THSD7B: variants seen among roughly 807,000 people sequenced by gnomAD.
The protein encoded by THSD7B is thrombospondin type-1 domain-containing protein 7B.
In THSD7B, 138 loss-of-function variants were observed where a neutral mutation model predicts 213.6. That is an observed-to-expected ratio of 0.65 (90% confidence interval 0.56 to 0.74). THSD7B has a LOEUF of 0.74. THSD7B is among the 30% of genes least tolerant of loss of function. The probability of loss-of-function intolerance (pLI) is 0.00; values close to 1 mark genes in which losing one functional copy is unlikely to be tolerated. For synonymous variants in THSD7B, 742 were observed against 687.0 expected (o/e 1.08, Z -1.25); for missense variants, 1,931 against 1,991.5 (o/e 0.97, Z 0.58).
At chr2:137,105,569 G>A (rs1688231323) in intron 4 of THSD7B, among the ~76,000 whole-genome samples, 1 of 152,294 alleles carries the variant, frequency 6.6e-6, no homozygotes, top group South Asian at 2.1e-4. Context: ...AATCAGGCAA[G>A]AGAAAGGAAT....
intron 1 of THSD7B, among the ~76,000 whole-genome samples, chr2:136,864,904 G>A (rs1167242176): frequency 2.6e-5 from 4 of 152,216 alleles, no homozygotes; most frequent in African/African-American, 9.6e-5. Flanking sequence ...ACTCCATGGA[G>A]AAGACATGAC....
intron 17 of THSD7B, among the ~76,000 whole-genome samples, chr2:137,600,846 G>A (rs1682063460): frequency 6.6e-6 from 1 of 152,196 alleles, no homozygotes. Context: ...ATAGCTCTAT[G>A]CATGTTATTG....
intron 1 of THSD7B, among the ~76,000 whole-genome samples, chr2:136,819,726 T>C (rs1682539834): frequency 6.6e-6 from 1 of 152,106 alleles, no homozygotes; most frequent in Non-Finnish European, 1.5e-5. Flanking sequence ...AGCTCTGCTA[T>C]TGATGTCAAA....
intron 3 of THSD7B, among the ~76,000 whole-genome samples, chr2:137,082,517 A>G (rs1449562253): frequency 6.6e-6 from 1 of 152,142 alleles, no homozygotes. Flanking sequence ...ATCTATAACA[A>G]CAAGAGCTCT....
chr2:137,461,736 C>T (rs951676696), intron 15 of THSD7B, among the ~76,000 whole-genome samples: 18 of 152,146 alleles, frequency 1.2e-4, no homozygotes, highest in Middle Eastern at 3.4e-3. Flanking sequence ...CGTTTTATGA[C>T]CCCTCCCCAA....
intron 15 of THSD7B, among the ~76,000 whole-genome samples, chr2:137,558,895 T>A (rs186053818): frequency 0.019 from 2,836 of 152,176 alleles, 87 homozygotes; most frequent in African/African-American, 0.065. Flanking sequence ...TGTGCAAAAA[T>A]CACAAGCATT....
At chr2:137,425,203 A>C (rs905063463) in intron 14 of THSD7B, among the ~76,000 whole-genome samples, 8 of 151,796 alleles carry the variant, frequency 5.3e-5, no homozygotes, top group African/African-American at 1.4e-4. Flanking sequence ...TCTAGAGATG[A>C]TTTATTTATT....
chr2:137,303,267 C>T (rs1683649223), intron 12 of THSD7B, among the ~76,000 whole-genome samples: 1 of 152,174 alleles, frequency 6.6e-6, no homozygotes, highest in Non-Finnish European at 1.5e-5. Context: ...AGCCATATTC[C>T]TGCTTCAGCC....
At chr2:137,590,828 A>T (rs1394612810) in intron 17 of THSD7B, among the ~76,000 whole-genome samples, 1 of 104,572 alleles carries the variant, frequency 9.6e-6, no homozygotes, top group East Asian at 2.9e-4. Flanking sequence ...AAGGAGGTAC[A>T]TAATACCTGA....
intron 20 of THSD7B, among the ~76,000 whole-genome samples, chr2:137,621,518 C>T (rs1682520240): frequency 6.6e-6 from 1 of 152,130 alleles, no homozygotes; most frequent in Non-Finnish European, 1.5e-5. Flanking sequence ...AATTGATACT[C>T]AGTAGTGAGG....
intron 1 of THSD7B, among the ~76,000 whole-genome samples, chr2:136,782,032 AAGAT>A (rs896003682): frequency 6.6e-6 from 1 of 152,204 alleles, no homozygotes; most frequent in Admixed American, 6.5e-5. Context: ...CGTAAAATAA[AAGAT>A]AGGAAGCTAA....
At position 137,340,983 on chromosome 2, in the gene THSD7B, T is replaced by G. The variant is rs996029369; in HGVS notation, c.2501-64630T>G. ...GATCATACTCTAATTCTCTTTTTGT[T>G]TTTTTTTTTTTTTTTTTGAGGAACC... is the stretch of plus-strand genomic sequence containing the variant. On this transcript the variant is annotated intron_variant, in intron 12 of 27. Coordinates refer to ENST00000409968, the MANE Select transcript of THSD7B (RefSeq NM_001316349.2). Among the ~76,000 whole-genome samples the G allele has an allele frequency of 7.5e-4, 3 of 3,998 alleles. No individual in the cohort carries two copies. The Non-Finnish European group carries it at 0.024, about 32-fold the overall frequency. 2.6% of individuals were successfully genotyped at this position (3,998 alleles called of 152,430 possible).
intron 15 of THSD7B, among the ~76,000 whole-genome samples, chr2:137,561,007 C>T (rs1219709719): frequency 1.3e-5 from 2 of 152,116 alleles, no homozygotes; most frequent in Non-Finnish European, 2.9e-5. Flanking sequence ...ATGAACAATT[C>T]TTAAATGATA....
At chr2:137,630,908 C>G (rs1251989547) in intron 20 of THSD7B, among the ~76,000 whole-genome samples, 1 of 152,134 alleles carries the variant, frequency 6.6e-6, no homozygotes, top group African/African-American at 2.4e-5. Context: ...AACAAAAGTT[C>G]GCACAATTAT....
At chr2:137,585,616 C>T (rs973385040) in intron 17 of THSD7B, among the ~76,000 whole-genome samples, 6 of 152,204 alleles carry the variant, frequency 3.9e-5, no homozygotes, top group South Asian at 2.1e-4. Flanking sequence ...CTTTCAGGAG[C>T]AGGTTGTTCA....
At chr2:137,258,284 T>G (rs1682355329) in intron 10 of THSD7B, among the ~76,000 whole-genome samples, 1 of 152,174 alleles carries the variant, frequency 6.6e-6, no homozygotes, top group African/African-American at 2.4e-5. Context: ...CTTCTGAAAT[T>G]TTTACATCAA....
At chr2:137,556,670 A>T (rs13398549) in intron 15 of THSD7B, among the ~76,000 whole-genome samples, 1 of 151,896 alleles carries the variant, frequency 6.6e-6, no homozygotes, top group Non-Finnish European at 1.5e-5. Context: ...TCATAATGAC[A>T]GGATCAAATT....
intron 15 of THSD7B, among the ~76,000 whole-genome samples, chr2:137,488,801 G>T (rs1359524342): frequency 6.6e-6 from 1 of 152,172 alleles, no homozygotes; most frequent in African/African-American, 2.4e-5. Context: ...TGTTAGAGAA[G>T]AAAGAACTTT....
At chr2:137,532,560 G>T (rs781270533) in intron 15 of THSD7B, among the ~76,000 whole-genome samples, 1 of 151,696 alleles carries the variant, frequency 6.6e-6, no homozygotes, top group African/African-American at 2.4e-5. Flanking sequence ...ATTATAGAGT[G>T]CAAAAAATTA....
Sources: gnomAD v4.1 joint callset for allele counts (sites outside exome capture counted in the v4.1 genomes callset) on GRCh38, gnomAD v4.1.1 for gene constraint, MANE v1.5 for transcripts, NCBI Gene and HGNC (gene_info 2026-07-23, HGNC 2026-07-21) for gene names.